CADM1: variants seen among roughly 807,000 people sequenced by gnomAD.
CADM1 encodes cell adhesion molecule 1.
CADM1 carries 15 observed loss-of-function variants against 53.1 expected under a neutral mutation model. The ratio of observed to expected loss-of-function variants is 0.28; its 90% confidence interval spans 0.19 to 0.44. CADM1 has a LOEUF of 0.44. CADM1 is among the 20% of genes least tolerant of loss of function. CADM1 has a pLI of 1.00. For missense variants in CADM1, 434 were observed against 611.3 expected (o/e 0.71, Z 3.06); for synonymous variants, 281 against 243.0 (o/e 1.16, Z -1.45).
At chr11:115,267,676 TTC>T (rs1357610911) in intron 1 of CADM1, among the ~76,000 whole-genome samples, 12 of 136,982 alleles carry the variant, frequency 8.8e-5, no homozygotes, top group African/African-American at 3.0e-4. Context: ...TAAAATTGCT[TTC>T]TTTTTTTTTT....
chr11:115,289,754 C>T (rs781080468), intron 1 of CADM1, among the ~76,000 whole-genome samples: 7 of 151,906 alleles, frequency 4.6e-5, no homozygotes, highest in Non-Finnish European at 1.0e-4. Flanking sequence ...CACCATCACG[C>T]CCAGCTAATT....
At chr11:115,457,585 C>T (rs1006457149) in intron 1 of CADM1, among the ~76,000 whole-genome samples, 1 of 152,104 alleles carries the variant, frequency 6.6e-6, no homozygotes, top group South Asian at 2.1e-4. Flanking sequence ...AATAATTCAG[C>T]TCCCATTTAT....
chr11:115,346,832 T>C (rs752660759), intron 1 of CADM1, among the ~76,000 whole-genome samples: 1 of 152,068 alleles, frequency 6.6e-6, no homozygotes. Context: ...TTTAGAAGAG[T>C]GACCATTACT....
chr11:115,295,045 C>T (rs1222034787), intron 1 of CADM1, among the ~76,000 whole-genome samples: 1 of 151,994 alleles, frequency 6.6e-6, no homozygotes, highest in East Asian at 1.9e-4. Flanking sequence ...GTCTCAACAA[C>T]AACAACAACA....
intron 1 of CADM1, among the ~76,000 whole-genome samples, chr11:115,284,717 T>A (rs191685483): frequency 1.3e-5 from 2 of 152,330 alleles, no homozygotes; most frequent in East Asian, 3.9e-4. Context: ...CATTTTCTAA[T>A]GCTTTAAAGT....
intron 1 of CADM1, among the ~76,000 whole-genome samples, chr11:115,259,812 C>G (rs1942917187): frequency 6.6e-6 from 1 of 152,190 alleles, no homozygotes; most frequent in Non-Finnish European, 1.5e-5. Context: ...ATCGTTTTCT[C>G]CCTCTGTAAC....
chr11:115,408,615 A>G (rs915394231), intron 1 of CADM1, among the ~76,000 whole-genome samples: 1 of 152,202 alleles, frequency 6.6e-6, no homozygotes, highest in Admixed American at 6.5e-5. Flanking sequence ...ACTATGCCAT[A>G]TTACATTACA....
intron 8 of CADM1, among the ~76,000 whole-genome samples, chr11:115,204,259 T>A (rs1432564733): frequency 6.6e-6 from 1 of 152,198 alleles, no homozygotes; most frequent in African/African-American, 2.4e-5. Context: ...CATCCTTTCT[T>A]ATCCACATTT....
At chr11:115,244,635 C>T (rs1942351440) in intron 1 of CADM1, among the ~76,000 whole-genome samples, 1 of 152,278 alleles carries the variant, frequency 6.6e-6, no homozygotes, top group South Asian at 2.1e-4. Flanking sequence ...TGCTTGAACC[C>T]GGTTCTATCA....
chr11:115,174,000 A>C lies in CADM1; in HGVS notation c.*2474T>G. 1.0e-6 allele frequency: 1 copy of C among 958,872 alleles called. No individual in the cohort carries two copies. Among genetic ancestry groups the C allele is most frequent in the South Asian group, 4.8e-5 (1 of 20,714 alleles). 59.4% of individuals were successfully genotyped at this position (958,872 alleles called of 1,614,324 possible). On this transcript the variant is annotated 3_prime_UTR_variant, in exon 12 of 12. Coordinates refer to ENST00000331581, the MANE Select transcript of CADM1 (RefSeq NM_001301043.2). ...ATTTCAAACAGTGCACTGTATACTT[A>C]AGAAAAAATACATAAACCAATATAC...
intron 1 of CADM1, among the ~76,000 whole-genome samples, chr11:115,470,192 G>A (rs1948983070): frequency 6.6e-6 from 1 of 152,176 alleles, no homozygotes; most frequent in Admixed American, 6.5e-5. Flanking sequence ...CTATTATAAT[G>A]ATTAAACTTT....
chr11:115,393,570 AC>A (rs1169846881), intron 1 of CADM1, among the ~76,000 whole-genome samples: 2 of 151,342 alleles, frequency 1.3e-5, no homozygotes, highest in East Asian at 3.9e-4. Context: ...AAAAAAAAAA[AC>A]ATAGAGGTAG....
At chr11:115,492,934 C>T (rs1457443946) in intron 1 of CADM1, among the ~76,000 whole-genome samples, 2 of 121,212 alleles carry the variant, frequency 1.7e-5, no homozygotes, top group Admixed American at 1.7e-4. Context: ...ATATTTTATA[C>T]ACACACACAC....
chr11:115,227,445 G>A (rs1230211332), intron 5 of CADM1, among the ~76,000 whole-genome samples: 1 of 152,074 alleles, frequency 6.6e-6, no homozygotes, highest in Non-Finnish European at 1.5e-5. Context: ...AGAGTTTAGG[G>A]GTGGAAACTG....
chr11:115,203,306 C>T (rs995546293), intron 8 of CADM1, among the ~76,000 whole-genome samples: 1 of 151,890 alleles, frequency 6.6e-6, no homozygotes, highest in African/African-American at 2.4e-5. Flanking sequence ...AAAAACAATT[C>T]CTATATCATG....
At chr11:115,184,239 G>GA (rs1235100401) in intron 10 of CADM1, among the ~76,000 whole-genome samples, 6 of 152,102 alleles carry the variant, frequency 3.9e-5, no homozygotes, top group African/African-American at 2.4e-5. Context: ...GGCACCATCT[G>GA]AAAAATGTAG....
chr11:115,215,377 C>G (rs1941136834), intron 6 of CADM1, among the ~76,000 whole-genome samples: 1 of 152,188 alleles, frequency 6.6e-6, no homozygotes, highest in Non-Finnish European at 1.5e-5. Flanking sequence ...ATCCCCCTAC[C>G]CAGAATGCCA....
intron 1 of CADM1, among the ~76,000 whole-genome samples, chr11:115,302,247 C>T (rs1418688017): frequency 5.3e-5 from 8 of 151,942 alleles, no homozygotes; most frequent in Non-Finnish European, 5.9e-5. Flanking sequence ...ACAACAAACC[C>T]CCTTTACACA....
chr11:115,324,002 G>GT (rs1299061844), intron 1 of CADM1, among the ~76,000 whole-genome samples: 11 of 147,898 alleles, frequency 7.4e-5, no homozygotes, highest in Non-Finnish European at 1.5e-4. Flanking sequence ...CCCAGAAGGA[G>GT]TTCAGGAGAG....
Sources: gnomAD v4.1 joint callset for allele counts (sites outside exome capture counted in the v4.1 genomes callset) on GRCh38, gnomAD v4.1.1 for gene constraint, MANE v1.5 for transcripts, NCBI Gene and HGNC (gene_info 2026-07-23, HGNC 2026-07-21) for gene names.